The following UHRF1 variants were observed in gnomAD, a reference collection of about 807,000 sequenced individuals.
UHRF1 encodes ubiquitin like with PHD and ring finger domains 1.
In UHRF1, 9 loss-of-function variants were observed where a neutral mutation model predicts 96.5. The observed-to-expected ratio is 0.09, with a 90% confidence interval of 0.06 to 0.16. The LOEUF is 0.16. Among genes scored for constraint, UHRF1 ranks in the 10% least tolerant of loss-of-function variants. The pLI is 1.00. For synonymous variants in UHRF1, 455 were observed against 469.9 expected (o/e 0.97, Z 0.41); for missense variants, 626 against 1,131.1 (o/e 0.55, Z 6.40).
chr19:4,933,054 T>G, intron 5 of UHRF1, 98 bp downstream of exon 5: 2 of 1,329,856 alleles, frequency 1.5e-6, no homozygotes, highest in Non-Finnish European at 2.0e-6. Context: ...GCGCTGTGTG[T>G]GCGAGGCCCT....
chr19:4,957,268 G>A (rs1256310790), intron 16 of UHRF1, among the ~76,000 whole-genome samples: 4 of 148,424 alleles, frequency 2.7e-5, no homozygotes, highest in Non-Finnish European at 5.9e-5. Flanking sequence ...GTGGTCAGTC[G>A]TAGGAGGGAC....
upstream of UHRF1, among the ~76,000 whole-genome samples, chr19:4,905,414 C>T (rs1374494576): frequency 6.6e-6 from 1 of 151,692 alleles, no homozygotes; most frequent in East Asian, 1.9e-4. Flanking sequence ...CCACCACACC[C>T]GGCCACAAAT....
intron 13 of UHRF1, among the ~76,000 whole-genome samples, chr19:4,952,633 C>T (rs1355409680): frequency 1.3e-5 from 2 of 151,996 alleles, no homozygotes; most frequent in African/African-American, 2.4e-5. Context: ...CCACCTGCTT[C>T]CACCTCCCAA....
intron 16 of UHRF1, among the ~76,000 whole-genome samples, chr19:4,957,994 C>G (rs2033902543): frequency 6.6e-6 from 1 of 152,258 alleles, no homozygotes; most frequent in African/African-American, 2.4e-5. Flanking sequence ...CTTCCAACTG[C>G]AGTCCCGCAG....
chr19:4,937,317 G>A (rs934469312), intron 5 of UHRF1, among the ~76,000 whole-genome samples: 1 of 108,786 alleles, frequency 9.2e-6, no homozygotes, highest in South Asian at 2.8e-4. Context: ...TTTTTTTAAC[G>A]ACCCATTGGA....
chr19:4,941,434 C>T (rs554261609), intron 5 of UHRF1, 94 bp from the exon 6 acceptor site: 2 of 939,072 alleles, frequency 2.1e-6, no homozygotes, highest in Admixed American at 2.2e-5. Flanking sequence ...AGCTGTTGCC[C>T]CAGGCATCCC....
At chr19:4,927,067 AAAAACAAAACAAAAC>A (rs933112126) in intron 2 of UHRF1, among the ~76,000 whole-genome samples, 1 of 151,910 alleles carries the variant, frequency 6.6e-6, no homozygotes, top group Non-Finnish European at 1.5e-5. Flanking sequence ...CCTCAAAACA[AAAAACAAAACAAAAC>A]AAAACAAAAA....
intron 15 of UHRF1, among the ~76,000 whole-genome samples, chr19:4,955,393 A>G (rs2033831730): frequency 6.6e-6 from 1 of 151,720 alleles, no homozygotes; most frequent in Non-Finnish European, 1.5e-5. Context: ...CCAGTCTCTG[A>G]GTCTCACTCT....
intron 5 of UHRF1, among the ~76,000 whole-genome samples, chr19:4,933,366 C>G (rs943329246): frequency 1.3e-5 from 2 of 152,158 alleles, no homozygotes; most frequent in Admixed American, 1.3e-4. Flanking sequence ...CAGGCGTCTA[C>G]CACCACACCT....
At chr19:4,932,166 G>T (rs943492253) in intron 4 of UHRF1, among the ~76,000 whole-genome samples, 1 of 151,732 alleles carries the variant, frequency 6.6e-6, no homozygotes, top group Admixed American at 6.6e-5. Flanking sequence ...CAGATGATCT[G>T]CCTGCCTCAG....
intron 2 of UHRF1, among the ~76,000 whole-genome samples, chr19:4,925,768 C>T (rs2032848267): frequency 6.6e-6 from 1 of 152,152 alleles, no homozygotes; most frequent in East Asian, 1.9e-4. Context: ...GTGATCTGCC[C>T]TCGTTGGCCT....
chr19:4,955,131 C>T (rs2033823999), intron 15 of UHRF1, among the ~76,000 whole-genome samples: 1 of 152,062 alleles, frequency 6.6e-6, no homozygotes, highest in South Asian at 2.1e-4. Context: ...ATCCTACCTT[C>T]TGTCTCTGTC....
intron 13 of UHRF1, among the ~76,000 whole-genome samples, chr19:4,953,989 TC>T (rs1187211431): frequency 6.6e-6 from 1 of 151,950 alleles, no homozygotes; most frequent in Non-Finnish European, 1.5e-5. Context: ...AAGGTTCACA[TC>T]CCTGTGGGAC....
chr19:4,929,613 T>A, intron 3 of UHRF1, 137 bp downstream of exon 3: 6 of 1,243,758 alleles, frequency 4.8e-6, no homozygotes, highest in Non-Finnish European at 6.6e-6. Flanking sequence ...CAAGGGGTGG[T>A]TTCCTGCACG....
At chr19:4,933,479 G>C (rs1019416333) in intron 5 of UHRF1, among the ~76,000 whole-genome samples, 1 of 152,132 alleles carries the variant, frequency 6.6e-6, no homozygotes, top group Admixed American at 6.6e-5. Context: ...CTCCCAAAGT[G>C]CTGGGATTGC....
At chr19:4,918,919 GCCATGTTAC>G (rs1022179079) in intron 2 of UHRF1, among the ~76,000 whole-genome samples, 20 of 151,270 alleles carry the variant, frequency 1.3e-4, no homozygotes, top group African/African-American at 4.6e-4. Flanking sequence ...ATGGGTTCCT[GCCATGTTAC>G]CCAGGCTGGT....
At chr19:4,915,195 C>T (rs2032444578) in intron 2 of UHRF1, among the ~76,000 whole-genome samples, 1 of 152,222 alleles carries the variant, frequency 6.6e-6, no homozygotes, top group Admixed American at 6.5e-5. Flanking sequence ...CCTCAGGTGT[C>T]CCCACTGGAC....
At position 4,944,959 on chromosome 19, in the gene UHRF1, C is replaced by G. The variant is rs1329696829; in HGVS notation, c.1305+509C>G. Among the ~76,000 whole-genome samples the G allele has an allele frequency of 2.6e-5, 4 of 152,232 alleles. No homozygotes were observed. In the East Asian group the frequency reaches 5.8e-4, roughly 22 times the overall value. Reference sequence around the variant, plus strand: ...CCACCCACTCCATGTCCTCCCAAGTCATGACAACCAGAAACGTCTGCAGAC... The same window carrying G: ...CCACCCACTCCATGTCCTCCCAAGTGATGACAACCAGAAACGTCTGCAGAC... On this transcript the variant is annotated intron_variant, in intron 9 of 16. Transcript: ENST00000650932.
At position 4,929,268 on chromosome 19, in the gene UHRF1, A is replaced by C. The variant is rs1470190187; in HGVS notation, c.200A>C (p.Asp67Ala). The change falls in exon 3 of 17, where the codon GAC (aspartate) becomes GCC (alanine). Residue 67 changes from aspartate to alanine, a missense_variant. This residue lies in a region of UHRF1 where 53 missense variants were observed against 95.9 expected (regional missense o/e 0.55). Transcript: ENST00000650932. ...TLFDYEVRLN[D>A]TIQLLVRQSL... ...TTCGACTACGAGGTCCGCCTGAATG[A>C]CACCATCCAGCTCCTGGTCCGCCAG... is the stretch of plus-strand genomic sequence containing the variant. 6.2e-7 allele frequency: 1 copy of C among 1,613,746 alleles called. No individual in the cohort carries two copies. The highest frequency in any genetic ancestry group is 8.5e-7 in the Non-Finnish European group (1 of 1,179,874).
Sources: gnomAD v4.1 joint callset for allele counts (sites outside exome capture counted in the v4.1 genomes callset) on GRCh38, gnomAD v4.1.1 for gene constraint, gnomAD v4.1.1 regional missense constraint, MANE v1.5 for transcripts, NCBI Gene and HGNC (gene_info 2026-07-23, HGNC 2026-07-21) for gene names.